Variants in ELMO1 observed in about 807,000 individuals in gnomAD.
ELMO1 encodes engulfment and cell motility protein 1.
In ELMO1, 26 loss-of-function variants were observed where a neutral mutation model predicts 98.9. That is an observed-to-expected ratio of 0.26 (90% CI 0.19 to 0.36). The LOEUF is 0.36. Ranked by LOEUF, ELMO1 falls within the 10% of genes least tolerant of loss-of-function variation. The pLI, the probability that ELMO1 is intolerant of heterozygous loss-of-function variation, is 1.00. For synonymous variants in ELMO1, 346 were observed against 346.0 expected, an observed-to-expected ratio of 1.00 and a Z score of 0.00; for missense variants, 627 against 935.2, an observed-to-expected ratio of 0.67 and a Z score of 4.30.
Position 37,247,440 on chromosome 7 carries a change from C to T in ELMO1, c.414-3049G>A, listed in dbSNP as rs566472030. Among the ~76,000 whole-genome samples, 365 of 152,218 alleles carry T rather than the reference C, an allele frequency of 2.4e-3. 4 individuals are homozygous for T. The highest frequency in any genetic ancestry group is 4.1e-3 in the Non-Finnish European group (276 of 68,012). ...TTAGCAGCTGGACTTGCAGACAATT[C>T]GATTCTTGGAGCAGGTGCCATGTGC... On this transcript the variant is annotated intron_variant, in intron 6 of 21. Transcript: ENST00000310758.
At chr7:37,369,672 T>TAA (rs74272020) in intron 1 of ELMO1, among the ~76,000 whole-genome samples, 35,206 of 123,902 alleles carry the variant, frequency 0.28, 4,656 homozygotes, top group Non-Finnish European at 0.34. Context: ...GCCCAAAATG[T>TAA]AAAAAAAAAA....
intron 13 of ELMO1, among the ~76,000 whole-genome samples, chr7:37,151,153 T>A (rs1788329387): frequency 6.6e-6 from 1 of 152,232 alleles, no homozygotes; most frequent in Non-Finnish European, 1.5e-5. Context: ...TCTGTCTGAT[T>A]TGAATCCTCA....
intron 16 of ELMO1, among the ~76,000 whole-genome samples, chr7:37,005,123 A>AAG (rs1554389256): frequency 6.0e-5 from 9 of 151,126 alleles, no homozygotes; most frequent in African/African-American, 2.2e-4. Context: ...AAAAAAAAAA[A>AAG]AAAAAAAAAG....
At chr7:37,022,872 C>G (rs185816103) in intron 15 of ELMO1, among the ~76,000 whole-genome samples, 1 of 152,280 alleles carries the variant, frequency 6.6e-6, no homozygotes, top group East Asian at 1.9e-4. Flanking sequence ...ATGGTTTATT[C>G]ATACAGCAGC....
chr7:37,314,968 T>G, intron 3 of ELMO1, 46 bp from the exon 4 acceptor site: 5 of 1,531,312 alleles, frequency 3.3e-6, no homozygotes, highest in Non-Finnish European at 4.5e-6. Context: ...AAAGTGGCCA[T>G]TTTCATTTTT....
chr7:36,871,537 G>T (rs1475513538), intron 19 of ELMO1, among the ~76,000 whole-genome samples: 1 of 152,192 alleles, frequency 6.6e-6, no homozygotes, highest in Non-Finnish European at 1.5e-5. Flanking sequence ...AGGTATGCAC[G>T]CTGGCTAGTG....
rs1554438183 is a variant in ELMO1 at position 37,188,501 on chromosome 7, A to AATAATAAT, written c.1086+22884_1086+22885insATTATTAT. ...CTGGAGAAAGGTAAAAAAAAAAAAA[A>AATAATAAT]AATAATAATAATAATAATAATAATA... On this transcript the variant is annotated intron_variant, in intron 13 of 21. Transcript: ENST00000310758. Among the ~76,000 whole-genome samples the AATAATAAT allele has an allele frequency of 7.3e-3, 921 of 125,914 alleles. 27 individuals carry two copies. In the East Asian group the frequency reaches 0.08, roughly 11 times the overall value. The allele number at this position is 125,914 out of a possible 152,430, so 82.6% of individuals were successfully genotyped here. A position where few individuals can be genotyped will look rare whatever the true frequency, so the allele number is the denominator to read the frequency against.
chr7:37,217,695 G>A (rs1434134669), intron 10 of ELMO1: 2 of 456,958 alleles, frequency 4.4e-6, no homozygotes, highest in African/African-American at 4.0e-5. Flanking sequence ...CTAACAAAGG[G>A]AACGTGGGTG....
rs1309679250 is a variant in ELMO1, at chr7:36,853,082, G to GA, written c.*2468dup. ...TGGAGGTGGTAGGCTCATTGCATGG[G>GA]AAAAAAAGCCTTGGGCAGCCTGGAG... On this transcript the variant is annotated 3_prime_UTR_variant, in exon 22 of 22. Transcript: ENST00000310758. 3.3e-5 allele frequency among the ~76,000 whole-genome samples: 5 copies of GA among 152,150 alleles called. No individual in the cohort carries two copies. Among genetic ancestry groups the GA allele is most frequent in the South Asian group, 2.1e-4 (1 of 4,812 alleles).
intron 4 of ELMO1, among the ~76,000 whole-genome samples, chr7:37,290,429 AGAT>A (rs2130947757): frequency 6.6e-6 from 1 of 152,380 alleles, no homozygotes; most frequent in South Asian, 2.1e-4. Context: ...AATCTTTAAA[AGAT>A]GATAAATACA....
At chr7:36,931,980 C>G (rs1786087719) in intron 16 of ELMO1, among the ~76,000 whole-genome samples, 2 of 152,192 alleles carry the variant, frequency 1.3e-5, no homozygotes, top group Admixed American at 1.3e-4. Context: ...TACATTGTTT[C>G]AGGTAACCAG....
intron 1 of ELMO1, among the ~76,000 whole-genome samples, chr7:37,408,347 G>T (rs1452191808): frequency 6.6e-6 from 1 of 152,182 alleles, no homozygotes; most frequent in Non-Finnish European, 1.5e-5. Context: ...TTGGAAAAAA[G>T]ATGACAAAGA....
At position 37,216,656 on chromosome 7, in the gene ELMO1, T is replaced by G; in HGVS notation, c.820A>C (p.Ile274Leu). 1.9e-6 allele frequency: 3 copies of G among 1,614,142 alleles called. No individual in the cohort carries two copies. The highest frequency in any genetic ancestry group is 2.5e-6 in the Non-Finnish European group (3 of 1,180,010). ...GCATAGGTACTCACTGTTAAAATGATGGAACGCAGTTGCTTCTGAGCCAAA... is the reference window on the plus strand; with the variant it reads ...GCATAGGTACTCACTGTTAAAATGAGGGAACGCAGTTGCTTCTGAGCCAAA... The part of the protein sequence containing the change: ...NILAQKQLRS[I>L]ILTHVIRAQR... Residue 274 changes from isoleucine (I) to leucine (L), a missense_variant, in exon 11 of 22, where the codon ATC (isoleucine) becomes CTC (leucine). Ile to Leu is a conservative substitution (Grantham distance 5). Transcript: ENST00000310758.
At chr7:37,401,140 A>C (rs1306624661) in intron 1 of ELMO1, among the ~76,000 whole-genome samples, 1 of 152,234 alleles carries the variant, frequency 6.6e-6, no homozygotes, top group East Asian at 1.9e-4. Context: ...GGGAAGCCAG[A>C]GCCCTGCCCT....
At chr7:37,383,396 G>A (rs1172179463) in intron 1 of ELMO1, among the ~76,000 whole-genome samples, 1 of 152,178 alleles carries the variant, frequency 6.6e-6, no homozygotes, top group East Asian at 1.9e-4. Flanking sequence ...GACCTATCAC[G>A]GGAGTGATGC....
chr7:36,957,460 G>A (rs1282843444), intron 16 of ELMO1, among the ~76,000 whole-genome samples: 1 of 152,120 alleles, frequency 6.6e-6, no homozygotes, highest in African/African-American at 2.4e-5. Context: ...ATTCATTGAC[G>A]ATTTTCTTAC....
chr7:37,438,720 G>A (rs944401878), intron 1 of ELMO1, among the ~76,000 whole-genome samples: 1 of 152,082 alleles, frequency 6.6e-6, no homozygotes, highest in African/African-American at 2.4e-5. Flanking sequence ...TCAGCTACTC[G>A]AAGAGGTGGG....
At chr7:36,872,698 T>C (rs1477613962) in intron 19 of ELMO1, among the ~76,000 whole-genome samples, 1 of 152,162 alleles carries the variant, frequency 6.6e-6, no homozygotes, top group Non-Finnish European at 1.5e-5. Context: ...GCCTAATCCC[T>C]ACCGTAGGAA....
At chr7:37,259,642 A>G (rs1002830932) in intron 5 of ELMO1, among the ~76,000 whole-genome samples, 1 of 152,364 alleles carries the variant, frequency 6.6e-6, no homozygotes, top group East Asian at 1.9e-4. Context: ...AAAGCCCTAG[A>G]AACTGAACAG....
Sources: gnomAD v4.1 joint callset for allele counts (sites outside exome capture counted in the v4.1 genomes callset) on GRCh38, gnomAD v4.1.1 for gene constraint, MANE v1.5 for transcripts, NCBI Gene and HGNC (gene_info 2026-07-23, HGNC 2026-07-21) for gene names.